Variants in ITGA1 observed in about 807,000 individuals in gnomAD.
The protein encoded by ITGA1 is integrin subunit alpha 1.
Under a neutral mutation model 145.9 loss-of-function variants are expected in ITGA1, and 85 were observed. The ratio of observed to expected loss-of-function variants is 0.58; its 90% CI spans 0.49 to 0.70. ITGA1 has a LOEUF of 0.70. Among genes scored for constraint, ITGA1 ranks in the 30% least tolerant of loss-of-function variants. ITGA1 has a pLI of 0.00. For synonymous variants in ITGA1, 520 were observed against 495.3 expected (o/e 1.05, Z -0.66); for missense variants, 1,351 against 1,418.7 (o/e 0.95, Z 0.77).
At position 52,910,878 on chromosome 5, in the gene ITGA1, TGGTATGTATACTATATATAGTATATAC is replaced by T. The variant is rs1209547603; in HGVS notation, c.1857+486_1857+512del. On this transcript the variant is annotated intron_variant, in intron 14 of 28. Coordinates refer to ENST00000282588, the MANE Select transcript of ITGA1 (RefSeq NM_181501.2). ...ATATACACACTATATATAGTATATA[TGGTATGTATACTATATATAGTATATAC>T]GGTATGTATACTATATATAGTATAT... 1.0e-2 allele frequency among the ~76,000 whole-genome samples: 1,401 copies of T among 140,546 alleles called. 22 individuals carry two copies. Among genetic ancestry groups the T allele is most frequent in the African/African-American group, 0.034 (1,308 of 38,824 alleles). The allele number at this position is 140,546 out of a possible 152,430, so 92.2% of individuals were successfully genotyped here. A position where few individuals can be genotyped will look rare whatever the true frequency, so the allele number is the denominator to read the frequency against.
intron 26 of ITGA1, among the ~76,000 whole-genome samples, chr5:52,943,886 T>A (rs901279854): frequency 1.3e-5 from 2 of 152,116 alleles, no homozygotes; most frequent in African/African-American, 4.8e-5. Context: ...CAGGCTCTGG[T>A]TGCTTTGGAG....
chr5:52,875,303 G>A (rs1203060831), intron 6 of ITGA1, among the ~76,000 whole-genome samples: 4 of 151,808 alleles, frequency 2.6e-5, no homozygotes, highest in Non-Finnish European at 4.4e-5. Flanking sequence ...AAAAGTGAGT[G>A]GATATTTGTG....
At position 52,801,665 on chromosome 5, in the gene ITGA1, G is replaced by A. The variant is rs765748225; in HGVS notation, c.61+13251G>A. 1.5e-5 allele frequency: 24 copies of A among 1,614,120 alleles called. 1 individual carries two copies. In the South Asian group the frequency reaches 2.4e-4, roughly 16 times the overall value. Reference sequence around the variant, plus strand: ...CATCAGGATGTAGCCACACGGAGCCGGTATGTGAGGCTGGTGGACAGTGTG... The same window carrying A: ...CATCAGGATGTAGCCACACGGAGCCAGTATGTGAGGCTGGTGGACAGTGTG... On this transcript the variant is annotated intron_variant, in intron 1 of 28. Coordinates refer to ENST00000282588, the MANE Select transcript of ITGA1 (RefSeq NM_181501.2).
Position 52,897,455 on chromosome 5 carries a change from C to T in ITGA1, c.1091C>T (p.Ala364Val). The T allele has an allele frequency of 6.2e-7, 1 of 1,606,180 alleles. No individual in the cohort carries two copies. Among genetic ancestry groups the T allele is most frequent in the Non-Finnish European group, 8.5e-7 (1 of 1,173,400 alleles). Residue 364 changes from alanine to valine, a missense_variant and splice_region_variant, in exon 10 of 29, where the codon GCC becomes GTC. Ala to Val is a moderately conservative substitution (Grantham distance 64). Transcript: ENST00000282588. ...TLGERIFALE[A>V]TADQSAASFE... is the part of the protein sequence containing the mutation. Reference sequence around the variant, plus strand: ...ACAGTGATATTTTCCTATGTTATAGCCACAGCTGACCAGTCAGCAGCTTCA... The same window carrying T: ...ACAGTGATATTTTCCTATGTTATAGTCACAGCTGACCAGTCAGCAGCTTCA...
chr5:52,819,029 A>G (rs549457097), intron 1 of ITGA1, among the ~76,000 whole-genome samples: 1 of 152,306 alleles, frequency 6.6e-6, no homozygotes, highest in Non-Finnish European at 1.5e-5. Context: ...CTATGGTTAC[A>G]GTCAAAGGAG....
rs1374847452 is a variant in ITGA1 at position 52,815,158 on chromosome 5, G to A, written c.61+26744G>A. Among the ~76,000 whole-genome samples the A allele has an allele frequency of 3.9e-5, 6 of 152,268 alleles. 1 individual carries two copies. Among genetic ancestry groups the A allele is most frequent in the African/African-American group, 1.4e-4 (6 of 41,534 alleles). On this transcript the variant is annotated intron_variant, in intron 1 of 28. Coordinates refer to ENST00000282588, the MANE Select transcript of ITGA1 (RefSeq NM_181501.2). ...TTTCCTGCTGGGCACCAAATGCTAA[G>A]CAGGGTAGGCCAAAAACATTTAATC... is the stretch of plus-strand genomic sequence containing the variant.
intron 1 of ITGA1, among the ~76,000 whole-genome samples, chr5:52,806,176 T>C (rs1748584741): frequency 6.6e-6 from 1 of 151,304 alleles, no homozygotes; most frequent in African/African-American, 2.4e-5. Context: ...TAATGTATTA[T>C]ATGTATCTCT....
intron 1 of ITGA1, among the ~76,000 whole-genome samples, chr5:52,814,250 G>A (rs560495652): frequency 2.0e-5 from 3 of 152,152 alleles, no homozygotes; most frequent in East Asian, 1.9e-4. Flanking sequence ...GGGTTCAAGC[G>A]ATTCTTGTTC....
At chr5:52,840,204 C>T (rs982141036) in intron 1 of ITGA1, among the ~76,000 whole-genome samples, 6 of 152,112 alleles carry the variant, frequency 3.9e-5, no homozygotes, top group African/African-American at 1.2e-4. Context: ...ATTCCACTAA[C>T]GAAAGTACCA....
At chr5:52,945,178 C>T (rs1337294385) in intron 27 of ITGA1, 143 bp downstream of exon 27, 2 of 597,994 alleles carry the variant, frequency 3.3e-6, no homozygotes, top group Non-Finnish European at 5.9e-6. Context: ...TCAAATTATA[C>T]TTCATTAGCT....
chr5:52,924,412 G>A (rs1009071285), intron 18 of ITGA1, among the ~76,000 whole-genome samples: 5 of 152,136 alleles, frequency 3.3e-5, no homozygotes, highest in Non-Finnish European at 7.3e-5. Flanking sequence ...TGCTAAGTGT[G>A]AAAGTCCTGA....
At chr5:52,800,524 A>G (rs1421508930) in intron 1 of ITGA1, 9 of 1,614,130 alleles carry the variant, frequency 5.6e-6, no homozygotes, top group Non-Finnish European at 6.8e-6. Flanking sequence ...CGCCTCCACC[A>G]TCCGCAAGGT....
intron 8 of ITGA1, among the ~76,000 whole-genome samples, chr5:52,891,624 AT>A (rs931958578): frequency 1.3e-5 from 2 of 150,922 alleles, no homozygotes; most frequent in Non-Finnish European, 3.0e-5. Flanking sequence ...GTAAAAACTA[AT>A]TTTTTTATTT....
chr5:52,925,636 T>TTA (rs1212659121), intron 19 of ITGA1, 149 bp downstream of exon 19: 2 of 616,320 alleles, frequency 3.2e-6, no homozygotes, highest in East Asian at 5.6e-5. Context: ...GTGAAAGTAT[T>TTA]AAGCTTTTTA....
At chr5:52,858,052 C>T (rs1465790880) in intron 2 of ITGA1, among the ~76,000 whole-genome samples, 1 of 152,200 alleles carries the variant, frequency 6.6e-6, no homozygotes, top group African/African-American at 2.4e-5. Context: ...GTCCTTCCAT[C>T]CTCTGTACTT....
intron 1 of ITGA1, among the ~76,000 whole-genome samples, chr5:52,844,681 A>G (rs1749306970): frequency 6.6e-6 from 1 of 152,212 alleles, no homozygotes; most frequent in Non-Finnish European, 1.5e-5. Context: ...TTGCTGGTAC[A>G]TGTGAAATCA....
chr5:52,842,571 A>C (rs1386575009), intron 1 of ITGA1, among the ~76,000 whole-genome samples: 4 of 151,912 alleles, frequency 2.6e-5, no homozygotes, highest in Non-Finnish European at 5.9e-5. Flanking sequence ...TAAATGCATA[A>C]TTTGTATTTC....
intron 1 of ITGA1, among the ~76,000 whole-genome samples, chr5:52,820,653 T>A (rs900496983): frequency 6.6e-6 from 1 of 152,178 alleles, no homozygotes. Flanking sequence ...CACCTACTGC[T>A]AGGGACTCTG....
At chr5:52,790,145 A>C (rs6863805) in intron 1 of ITGA1, among the ~76,000 whole-genome samples, 67 of 152,108 alleles carry the variant, frequency 4.4e-4, no homozygotes, top group African/African-American at 1.2e-3. Context: ...TCATCACCAT[A>C]CTTATCCATG....
Sources: allele counts gnomAD v4.1 joint callset (sites outside exome capture counted in the v4.1 genomes callset), GRCh38; gene constraint gnomAD v4.1.1; transcripts MANE v1.5; gene names NCBI Gene and HGNC (gene_info 2026-07-23, HGNC 2026-07-21).